Variants in ATXN10 observed in about 807,000 individuals in gnomAD.
The protein encoded by ATXN10 is ataxin-10.
ATXN10 carries 28 observed loss-of-function variants against 52.9 expected under a neutral mutation model. The ratio of observed to expected loss-of-function variants is 0.53; its 90% CI spans 0.39 to 0.73. The LOEUF is 0.73. ATXN10 is among the 30% of genes least tolerant of loss of function. The pLI is 0.00. For synonymous variants in ATXN10, 226 were observed against 221.5 expected, an observed-to-expected ratio of 1.02 and a Z score of -0.18; for missense variants, 565 against 577.0, an observed-to-expected ratio of 0.98 and a Z score of 0.21.
chr22:45,691,427 G>T (rs931655261), intron 2 of ATXN10, among the ~76,000 whole-genome samples: 9 of 152,210 alleles, frequency 5.9e-5, no homozygotes, highest in South Asian at 4.1e-4. Flanking sequence ...ACAAACTCAA[G>T]AAATTTTTTC....
intron 7 of ATXN10, among the ~76,000 whole-genome samples, chr22:45,734,874 A>ATTG (rs1361396719): frequency 6.8e-6 from 1 of 147,616 alleles, no homozygotes; most frequent in Non-Finnish European, 1.5e-5. Flanking sequence ...GGGTTATATT[A>ATTG]TTATTATTAT....
intron 2 of ATXN10, 30 bp downstream of exon 2, chr22:45,689,933 T>C (rs1009842114): frequency 1.2e-6 from 2 of 1,605,730 alleles, no homozygotes; most frequent in East Asian, 2.2e-5. Flanking sequence ...GGATTCTGTT[T>C]CTTTGTATAT....
At chr22:45,802,818 T>C (rs1360296624) in intron 9 of ATXN10, among the ~76,000 whole-genome samples, 1 of 151,474 alleles carries the variant, frequency 6.6e-6, no homozygotes, top group Non-Finnish European at 1.5e-5. Context: ...AGAGTTCTAC[T>C]TTTTTTTTGT....
Position 45,805,627 on chromosome 22 carries a change from T to C in ATXN10, c.1174-1332T>C, listed in dbSNP as rs922466146. 2.0e-5 allele frequency among the ~76,000 whole-genome samples: 3 copies of C among 152,138 alleles called. No individual in the cohort carries two copies. The highest frequency in any genetic ancestry group is 7.2e-5 in the African/African-American group (3 of 41,434). On this transcript the variant is annotated intron_variant, in intron 9 of 11. Transcript: ENST00000252934. This position sits in a 1 kb window ranked among gnomAD's most constrained non-coding sequence, Gnocchi z 4.4. ...TCGTTCAGATTTTCTGACTCCGTTA[T>C]AGGAAATGTCCAGAATAGGCAAATC...
At chr22:45,830,337 A>G (rs1928946820) in intron 10 of ATXN10, among the ~76,000 whole-genome samples, 2 of 152,262 alleles carry the variant, frequency 1.3e-5, no homozygotes, top group South Asian at 4.1e-4. Flanking sequence ...CAAAAGGAAA[A>G]ATGATAAATT....
At chr22:45,808,376 C>A (rs1418411987) in intron 10 of ATXN10, among the ~76,000 whole-genome samples, 1 of 152,194 alleles carries the variant, frequency 6.6e-6, no homozygotes, top group Non-Finnish European at 1.5e-5. Flanking sequence ...ATTGACCTTC[C>A]AGTGAAGCAG....
chr22:45,773,076 C>G (rs1412128867), intron 9 of ATXN10, among the ~76,000 whole-genome samples: 1 of 152,180 alleles, frequency 6.6e-6, no homozygotes, highest in African/African-American at 2.4e-5. Context: ...CAAGGGCTGA[C>G]TGTGTATAAC....
At chr22:45,680,373 T>C (rs906763830) in intron 1 of ATXN10, among the ~76,000 whole-genome samples, 2 of 152,190 alleles carry the variant, frequency 1.3e-5, no homozygotes, top group African/African-American at 4.8e-5. Flanking sequence ...ATAGGAAACC[T>C]CAATAACAAA....
chr22:45,743,182 G>A (rs752432792), intron 9 of ATXN10, among the ~76,000 whole-genome samples: 79 of 152,326 alleles, frequency 5.2e-4, no homozygotes, highest in Middle Eastern at 3.4e-3. Flanking sequence ...TGATTTCTCA[G>A]CAAACAGTTT....
intron 10 of ATXN10, among the ~76,000 whole-genome samples, chr22:45,814,382 A>T (rs1187697253): frequency 6.6e-6 from 1 of 152,258 alleles, no homozygotes; most frequent in Non-Finnish European, 1.5e-5. Context: ...CAGCATCAGT[A>T]GTCATCAGGG....
chr22:45,774,388 C>T lies in ATXN10; in HGVS notation c.1174-32571C>T, dbSNP rs1046433329. On this transcript the variant is annotated intron_variant, in intron 9 of 11. Coordinates refer to ENST00000252934, the MANE Select transcript of ATXN10 (RefSeq NM_013236.4). The surrounding 1 kb of genome is among the most constrained non-coding windows in gnomAD (Gnocchi z 6.2). ...AGATAATGCAGACACAGTGTGCGAG[C>T]AAGCAGTCCTGTGGGAGAGCTCCAG... is the stretch of plus-strand genomic sequence containing the variant. Among the ~76,000 whole-genome samples, 1 of 152,212 alleles carries T rather than the reference C, an allele frequency of 6.6e-6. No individual in the cohort carries two copies. Among genetic ancestry groups the T allele is most frequent in the African/African-American group, 2.4e-5 (1 of 41,454 alleles).
Position 45,780,086 on chromosome 22 carries a change from CT to C in ATXN10, c.1174-26858del, listed in dbSNP as rs135993. Reference sequence around the variant, plus strand: ...CAAACAAAAAGGCAGACTGCATCATCTTTTTTTTTTTTTTTGAGACGGAGTC... The same window carrying C: ...CAAACAAAAAGGCAGACTGCATCATCTTTTTTTTTTTTTTGAGACGGAGTC... On this transcript the variant is annotated intron_variant, in intron 9 of 11. Transcript: ENST00000252934. The surrounding 1 kb of genome is among the most constrained non-coding windows in gnomAD (Gnocchi z 4.0). Among the ~76,000 whole-genome samples the C allele has an allele frequency of 0.85, 117,734 of 138,642 alleles. 49,988 individuals are homozygous for C. The highest frequency in any genetic ancestry group is 0.95 in the African/African-American group (35,561 of 37,246). 91.0% of individuals were successfully genotyped at this position (138,642 alleles called of 152,430 possible).
chr22:45,753,202 G>A (rs1449329017), intron 9 of ATXN10, among the ~76,000 whole-genome samples: 11 of 145,106 alleles, frequency 7.6e-5, no homozygotes, highest in African/African-American at 7.5e-5. Context: ...CTCCACCCGC[G>A]GTTTCTTTTC....
At position 45,763,511 on chromosome 22, in the gene ATXN10, C is replaced by T. The variant is rs16994505; in HGVS notation, c.1173+22973C>T. Among the ~76,000 whole-genome samples the T allele has an allele frequency of 6.2e-3, 938 of 152,280 alleles. 30 individuals carry two copies. In the East Asian group the frequency reaches 0.084, roughly 14 times the overall value. On this transcript the variant is annotated intron_variant, in intron 9 of 11. Coordinates refer to ENST00000252934, the MANE Select transcript of ATXN10 (RefSeq NM_013236.4). The surrounding 1 kb of genome is among the most constrained non-coding windows in gnomAD (Gnocchi z 6.9). ...AGGTCTGCAGAGTGTGTGGCTGCTGCACCCTCAGGTGTTTGCTCATCTCCT... is the reference window on the plus strand; with the variant it reads ...AGGTCTGCAGAGTGTGTGGCTGCTGTACCCTCAGGTGTTTGCTCATCTCCT...
At position 45,681,227 on chromosome 22, in the gene ATXN10, A is replaced by T. The variant is rs903246265; in HGVS notation, c.117-8485A>T. On this transcript the variant is annotated intron_variant, in intron 1 of 11. Transcript: ENST00000252934. The surrounding 1 kb of genome is among the most constrained non-coding windows in gnomAD (Gnocchi z 4.2). ...TGTTTATATAGATTTTCCTTTCATT[A>T]TCCTGACCTCGAATTTCTTTGACTT... Among the ~76,000 whole-genome samples, 1 of 152,120 alleles carries T rather than the reference A, an allele frequency of 6.6e-6. No individual in the cohort carries two copies. The highest frequency in any genetic ancestry group is 1.5e-5 in the Non-Finnish European group (1 of 68,022).
At chr22:45,709,284 T>C (rs1005221708) in intron 5 of ATXN10, among the ~76,000 whole-genome samples, 3 of 152,228 alleles carry the variant, frequency 2.0e-5, no homozygotes, top group African/African-American at 7.2e-5. Context: ...TTGTTTGTTA[T>C]TGGATCTTTA....
intron 1 of ATXN10, among the ~76,000 whole-genome samples, chr22:45,686,590 C>T (rs1482813504): frequency 2.6e-5 from 4 of 151,936 alleles, no homozygotes; most frequent in South Asian, 2.1e-4. Context: ...GAGGCCGAGG[C>T]GGGCAGATCA....
chr22:45,723,810 G>A (rs1435524469), intron 6 of ATXN10, among the ~76,000 whole-genome samples: 1 of 152,086 alleles, frequency 6.6e-6, no homozygotes, highest in East Asian at 1.9e-4. Context: ...ACAAAAATTA[G>A]CCAGGCGTGG....
chr22:45,731,710 T>A, intron 7 of ATXN10, among the ~76,000 whole-genome samples: 1 of 152,222 alleles, frequency 6.6e-6, no homozygotes, highest in Non-Finnish European at 1.5e-5. Context: ...AGCTCATGGC[T>A]ATGACTGCTC....
Sources: gnomAD v4.1 joint callset for allele counts (sites outside exome capture counted in the v4.1 genomes callset) on GRCh38, gnomAD v4.1.1 for gene constraint, Gnocchi (gnomAD v3.1) non-coding constraint, MANE v1.5 for transcripts, NCBI Gene and HGNC (gene_info 2026-07-23, HGNC 2026-07-21) for gene names.